CCDC7: variants seen among roughly 807,000 people sequenced by gnomAD.
CCDC7 encodes coiled-coil domain containing 7.
In CCDC7, 183 loss-of-function variants were observed where a neutral mutation model predicts 196.9. That is an observed-to-expected ratio of 0.93 (90% CI 0.82 to 1.05). The LOEUF (loss-of-function observed/expected upper bound fraction) is 1.05, where lower values mean the gene tolerates loss of function less well. CCDC7 is among the 50% of genes least tolerant of loss of function. The pLI, the probability that CCDC7 is intolerant of heterozygous loss-of-function variation, is 0.00. For missense variants in CCDC7, 1,540 were observed against 1,482.2 expected, an observed-to-expected ratio of 1.04 and a Z score of -0.64; for synonymous variants, 525 against 484.6, an observed-to-expected ratio of 1.08 and a Z score of -1.10.
intron 22 of CCDC7, among the ~76,000 whole-genome samples, chr10:32,687,813 G>T (rs2076630288): frequency 1.3e-5 from 2 of 152,176 alleles, no homozygotes; most frequent in African/African-American, 4.8e-5. Flanking sequence ...AGATCACTGT[G>T]ATGGGTAGAG....
At chr10:32,621,453 G>A (rs2063401295) in intron 18 of CCDC7, among the ~76,000 whole-genome samples, 1 of 152,104 alleles carries the variant, frequency 6.6e-6, no homozygotes, top group South Asian at 2.1e-4. Context: ...GAACCAATAG[G>A]ATCTGTCTGT....
At chr10:32,597,376 C>T (rs1183360658) in intron 18 of CCDC7, among the ~76,000 whole-genome samples, 1 of 152,182 alleles carries the variant, frequency 6.6e-6, no homozygotes, top group Non-Finnish European at 1.5e-5. Context: ...TCCATCAAGT[C>T]ATTTAAGGAC....
At chr10:32,659,873 G>A (rs531368816) in intron 20 of CCDC7, among the ~76,000 whole-genome samples, 1 of 152,332 alleles carries the variant, frequency 6.6e-6, no homozygotes, top group South Asian at 2.1e-4. Context: ...TACACAGTTG[G>A]TGGGAGTGTA....
intron 18 of CCDC7, among the ~76,000 whole-genome samples, chr10:32,619,537 C>T (rs1342546181): frequency 6.6e-6 from 1 of 151,986 alleles, no homozygotes; most frequent in African/African-American, 2.4e-5. Context: ...CACATACAGG[C>T]ATATATGTTA....
At chr10:32,525,259 A>AG (rs2048484936) in intron 11 of CCDC7, among the ~76,000 whole-genome samples, 1 of 152,076 alleles carries the variant, frequency 6.6e-6, no homozygotes, top group African/African-American at 2.4e-5. Context: ...AAAAAAGAAA[A>AG]GAAAAAAAAA....
intron 18 of CCDC7, among the ~76,000 whole-genome samples, chr10:32,586,510 C>T (rs1158212733): frequency 6.6e-6 from 1 of 152,034 alleles, no homozygotes; most frequent in Non-Finnish European, 1.5e-5. Flanking sequence ...GGTTTTAGGT[C>T]CTATGTTTAA....
intron 21 of CCDC7, among the ~76,000 whole-genome samples, chr10:32,681,768 C>G (rs2075891044): frequency 6.6e-6 from 1 of 151,152 alleles, no homozygotes; most frequent in African/African-American, 2.5e-5. Context: ...CACACACACA[C>G]ACACACACAC....
intron 9 of CCDC7, among the ~76,000 whole-genome samples, chr10:32,507,990 C>T (rs1033821172): frequency 6.6e-6 from 1 of 152,184 alleles, no homozygotes; most frequent in African/African-American, 2.4e-5. Context: ...CTTACCAATT[C>T]TATTCAATGT....
intron 13 of CCDC7, among the ~76,000 whole-genome samples, chr10:32,564,163 G>C (rs923961010): frequency 1.3e-5 from 2 of 152,182 alleles, no homozygotes; most frequent in African/African-American, 4.8e-5. Context: ...AGGTGCTAGA[G>C]AGGATGTGGA....
chr10:32,496,603 G>C (rs1251297915), intron 9 of CCDC7, among the ~76,000 whole-genome samples: 1 of 152,140 alleles, frequency 6.6e-6, no homozygotes, highest in Non-Finnish European at 1.5e-5. Flanking sequence ...AGCATGAAGG[G>C]CTGTTGAATT....
intron 20 of CCDC7, among the ~76,000 whole-genome samples, chr10:32,637,488 T>C (rs1425930267): frequency 6.6e-6 from 1 of 152,224 alleles, no homozygotes; most frequent in African/African-American, 2.4e-5. Context: ...AACTAGGGAA[T>C]CCTTTCCCCA....
chr10:32,849,175 A>C (rs1440813610), intron 39 of CCDC7, among the ~76,000 whole-genome samples: 2 of 149,348 alleles, frequency 1.3e-5, no homozygotes, highest in African/African-American at 5.0e-5. Context: ...CTCTTATTTT[A>C]ATTTTTATTT....
At chr10:32,518,885 G>T (rs2047460164) in intron 11 of CCDC7, among the ~76,000 whole-genome samples, 1 of 152,016 alleles carries the variant, frequency 6.6e-6, no homozygotes, top group Non-Finnish European at 1.5e-5. Context: ...AGAAATGCAA[G>T]GATAAAGGAA....
exon 16 of CCDC7, chr10:32,571,873 C>T (rs758056043): frequency 3.3e-5 from 52 of 1,569,344 alleles, no homozygotes; most frequent in South Asian, 9.8e-5. Flanking sequence ...CTGCCCAAAG[C>T]GGAAGACTGA....
At chr10:32,861,181 G>A (rs1304404196) in intron 41 of CCDC7, among the ~76,000 whole-genome samples, 1 of 146,832 alleles carries the variant, frequency 6.8e-6, no homozygotes, top group African/African-American at 2.5e-5. Context: ...ATACTACAAG[G>A]CCACAGTAAC....
At chr10:32,571,582 GCTTTT>G (rs994418040) in intron 15 of CCDC7, among the ~76,000 whole-genome samples, 5 of 152,042 alleles carry the variant, frequency 3.3e-5, no homozygotes, top group African/African-American at 1.2e-4. Flanking sequence ...TAATAAACAT[GCTTTT>G]CTTTAACTCA....
chr10:32,784,369 T>G (rs2081490688), intron 29 of CCDC7, among the ~76,000 whole-genome samples: 1 of 152,082 alleles, frequency 6.6e-6, no homozygotes, highest in Non-Finnish European at 1.5e-5. Flanking sequence ...CCTAATGCTG[T>G]ACCGCACACC....
intron 28 of CCDC7, among the ~76,000 whole-genome samples, chr10:32,755,509 C>T (rs565770366): frequency 1.4e-4 from 22 of 152,200 alleles, no homozygotes; most frequent in Admixed American, 8.5e-4. Context: ...GGACCTCAAG[C>T]AAACTCCAAC....
intron 41 of CCDC7, among the ~76,000 whole-genome samples, chr10:32,873,964 CAT>C (rs1020170849): frequency 2.0e-5 from 3 of 151,398 alleles, no homozygotes; most frequent in African/African-American, 4.8e-5. Context: ...AGAAATAATG[CAT>C]ATATATATGG....
Sources: allele counts gnomAD v4.1 joint callset (sites outside exome capture counted in the v4.1 genomes callset), GRCh38; gene constraint gnomAD v4.1.1; transcripts MANE v1.5; gene names NCBI Gene and HGNC (gene_info 2026-07-23, HGNC 2026-07-21).